ANKRD36B: variants seen among roughly 807,000 people sequenced by gnomAD.
ANKRD36B encodes the protein ankyrin repeat domain 36B.
Under a neutral mutation model 135.7 loss-of-function variants are expected in ANKRD36B, and 37 were observed. The observed-to-expected ratio is 0.27, with a 90% confidence interval of 0.21 to 0.36. The LOEUF is 0.36. Among genes scored for constraint, ANKRD36B ranks in the 10% least tolerant of loss-of-function variants. ANKRD36B has a pLI of 1.00. For missense variants in ANKRD36B, 549 were observed against 1,037.1 expected, an observed-to-expected ratio of 0.53 and a Z score of 6.46; for synonymous variants, 179 against 348.1, an observed-to-expected ratio of 0.51 and a Z score of 5.41.
intron 38 of ANKRD36B, 64 bp from the exon 39 acceptor site, chr2:97,512,116 GA>G: frequency 6.3e-7 from 1 of 1,591,022 alleles, no homozygotes; most frequent in Admixed American, 1.8e-5. Context: ...GATTGCTTCT[GA>G]AATTAAATAA....
At chr2:97,573,620 G>A (rs1448915707) in intron 6 of ANKRD36B, among the ~76,000 whole-genome samples, 6 of 152,200 alleles carry the variant, frequency 3.9e-5, no homozygotes, top group South Asian at 4.1e-4. Context: ...GAGGCATCAC[G>A]CTACCTGACT....
At chr2:97,579,702 T>C (rs1242392905) in intron 4 of ANKRD36B, among the ~76,000 whole-genome samples, 1 of 109,402 alleles carries the variant, frequency 9.1e-6, no homozygotes, top group Non-Finnish European at 2.1e-5. Flanking sequence ...TTATATATGA[T>C]GTTAGTTACA....
intron 3 of ANKRD36B, among the ~76,000 whole-genome samples, chr2:97,582,651 T>C (rs2082703039): frequency 1.3e-5 from 2 of 152,230 alleles, no homozygotes; most frequent in Non-Finnish European, 2.9e-5. Context: ...AACACATGTA[T>C]GGGACACATT....
chr2:97,571,422 C>T (rs1333247830), intron 6 of ANKRD36B, among the ~76,000 whole-genome samples: 2 of 151,798 alleles, frequency 1.3e-5, no homozygotes, highest in East Asian at 2.0e-4. Flanking sequence ...CTGGGGCGGG[C>T]GGATCACAAG....
chr2:97,530,499 G>T (rs536125801), intron 35 of ANKRD36B, among the ~76,000 whole-genome samples: 1 of 95,500 alleles, frequency 1.0e-5, no homozygotes, highest in South Asian at 2.4e-4. Context: ...GCATGGGCAA[G>T]GACTTCATGT....
intron 6 of ANKRD36B, among the ~76,000 whole-genome samples, chr2:97,573,134 A>G (rs1306888624): frequency 6.6e-6 from 1 of 151,816 alleles, no homozygotes; most frequent in African/African-American, 2.4e-5. Flanking sequence ...TCATTGTTCA[A>G]TTCCCAGCTA....
chr2:97,527,208 G>A (rs1325316858), intron 35 of ANKRD36B, among the ~76,000 whole-genome samples: 2 of 95,820 alleles, frequency 2.1e-5, no homozygotes, highest in East Asian at 4.6e-4. Flanking sequence ...TGGATCTCTC[G>A]GCAGAAACTC....
rs1312196546 is a variant in ANKRD36B at position 97,530,210 on chromosome 2, T to G, written c.2265+2101A>C. ...TGGTACTGGTACCAAAACAGAGATA[T>G]AGACCAATGGAACAGAACAGAGCCA... On this transcript the variant is annotated intron_variant, in intron 35 of 43. Transcript: ENST00000359901. 2.1e-5 allele frequency among the ~76,000 whole-genome samples: 2 copies of G among 95,610 alleles called. 1 individual carries two copies. The highest frequency in any genetic ancestry group is 5.5e-5 in the Non-Finnish European group (2 of 36,040). The allele number at this position is 95,610 out of a possible 152,430, so 62.7% of individuals were successfully genotyped here.
chr2:97,580,632 C>T, intron 3 of ANKRD36B, 64 bp from the exon 4 acceptor site: 1 of 1,433,128 alleles, frequency 7.0e-7, no homozygotes, highest in Non-Finnish European at 9.4e-7. Flanking sequence ...AAATGAAAAC[C>T]TTATGTAAGA....
chr2:97,553,393 T>A (rs766706812), intron 14 of ANKRD36B, 22 bp from the exon 15 acceptor site: 1 of 1,604,426 alleles, frequency 6.2e-7, no homozygotes, highest in Non-Finnish European at 8.5e-7. Context: ...AAGGGATACA[T>A]AATCACTCAT....
intron 40 of ANKRD36B, among the ~76,000 whole-genome samples, chr2:97,508,857 C>T (rs2077430405): frequency 1.8e-5 from 2 of 108,992 alleles, no homozygotes; most frequent in African/African-American, 5.0e-5. Flanking sequence ...GTCTAAATGC[C>T]CACTTAACCA....
At chr2:97,572,994 T>C (rs1364932948) in intron 6 of ANKRD36B, among the ~76,000 whole-genome samples, 5 of 151,790 alleles carry the variant, frequency 3.3e-5, no homozygotes, top group Non-Finnish European at 5.9e-5. Flanking sequence ...ACATGTGCCA[T>C]ATTGGTGTGC....
intron 6 of ANKRD36B, among the ~76,000 whole-genome samples, chr2:97,574,814 A>G (rs1330640999): frequency 3.3e-5 from 5 of 151,902 alleles, no homozygotes; most frequent in African/African-American, 4.8e-5. Context: ...TTTCTCACAC[A>G]TTACCCTTAG....
intron 19 of ANKRD36B, 44 bp from the exon 20 acceptor site, chr2:97,549,535 T>C: frequency 6.2e-7 from 1 of 1,607,058 alleles, no homozygotes; most frequent in East Asian, 2.2e-5. Context: ...TAAAGTATGT[T>C]TCATAGACCA....
At position 97,547,510 on chromosome 2, in the gene ANKRD36B, G is replaced by A. The variant is rs1236342060; in HGVS notation, c.1579+26C>T. 3 of 1,532,580 alleles carry A rather than the reference G, an allele frequency of 2.0e-6. No homozygotes were observed. The South Asian group carries it at 3.5e-5, about 18-fold the overall frequency. The allele number at this position is 1,532,580 out of a possible 1,614,324, so 94.9% of individuals were successfully genotyped here. A position where few individuals can be genotyped will look rare whatever the true frequency, so the allele number is the denominator to read the frequency against. On this transcript the variant is annotated intron_variant, in intron 22 of 43. Transcript: ENST00000359901. ...TTTCTTATCTACCCGGACTGAACAT[G>A]ACATTAAATCTCTTTTCAAAATTAC...
At position 97,530,524 on chromosome 2, in the gene ANKRD36B, G is replaced by C. The variant is rs1258132188; in HGVS notation, c.2265+1787C>G. The stretch of plus-strand genomic sequence containing the variant: ...GGACTTCATGTCTAAAACACCAAAA[G>C]CAATGGCAACAAAAGCCAAAATTGA... On this transcript the variant is annotated intron_variant, in intron 35 of 43. Coordinates refer to ENST00000359901, the MANE Select transcript of ANKRD36B (RefSeq NM_001393939.1). Among the ~76,000 whole-genome samples, 24 of 95,934 alleles carry C rather than the reference G, an allele frequency of 2.5e-4. 4 individuals carry two copies. The East Asian group carries it at 5.3e-3, about 21-fold the overall frequency. 62.9% of individuals were successfully genotyped at this position (95,934 alleles called of 152,430 possible).
intron 1 of ANKRD36B, among the ~76,000 whole-genome samples, chr2:97,587,073 G>A (rs1320937881): frequency 6.6e-6 from 1 of 152,142 alleles, no homozygotes; most frequent in Non-Finnish European, 1.5e-5. Context: ...TACTCAGGAG[G>A]CTGAGGTGGG....
rs1422906419 is a variant in ANKRD36B, at chr2:97,537,401, A to T, written c.2089+767T>A. On this transcript the variant is annotated intron_variant, in intron 32 of 43. Transcript: ENST00000359901. ...CATTAAATAGCTATTTTAACAAGAC[A>T]GCCAGCACTTTGGAAAAAACTAAAT... is the stretch of plus-strand genomic sequence containing the variant. Among the ~76,000 whole-genome samples the T allele has an allele frequency of 4.3e-4, 42 of 97,098 alleles. 11 individuals carry two copies. Among genetic ancestry groups the T allele is most frequent in the African/African-American group, 1.2e-3 (40 of 32,484 alleles). The allele number at this position is 97,098 out of a possible 152,430, so 63.7% of individuals were successfully genotyped here.
At chr2:97,560,922 T>C in intron 6 of ANKRD36B, 62 bp from the exon 7 acceptor site, 1 of 1,317,050 alleles carries the variant, frequency 7.6e-7, no homozygotes, top group Admixed American at 2.2e-5. Flanking sequence ...ATCCATACAT[T>C]AATGCATGGA....
Sources: allele counts gnomAD v4.1 joint callset (sites outside exome capture counted in the v4.1 genomes callset), GRCh38; gene constraint gnomAD v4.1.1; transcripts MANE v1.5; gene names NCBI Gene and HGNC (gene_info 2026-07-23, HGNC 2026-07-21).